IL25: variants seen among roughly 807,000 people sequenced by gnomAD.
The protein encoded by IL25 is interleukin 25.
IL25 carries 10 observed loss-of-function variants against 13.2 expected under a neutral mutation model. The ratio of observed to expected loss-of-function variants is 0.76; its 90% CI spans 0.47 to 1.29. The LOEUF (loss-of-function observed/expected upper bound fraction) is 1.29, where lower values mean the gene tolerates loss of function less well. Ranked by LOEUF, IL25 falls within the 50% of genes most tolerant of loss-of-function variation. The pLI is 0.00. For synonymous variants in IL25, 107 were observed against 92.1 expected, an observed-to-expected ratio of 1.16 and a Z score of -0.93; for missense variants, 235 against 232.4, an observed-to-expected ratio of 1.01 and a Z score of -0.07.
At chr14:23,373,463 G>A in intron 1 of IL25, 67 bp downstream of exon 2, 1 of 1,374,258 alleles carries the variant, frequency 7.3e-7, no homozygotes, top group Non-Finnish European at 1.0e-6. Flanking sequence ...TGAGGGACCA[G>A]GGCAATTCCA....
exon 2 of IL25, chr14:23,375,668 G>T: frequency 6.2e-7 from 1 of 1,614,068 alleles, no homozygotes; most frequent in Non-Finnish European, 8.5e-7. Flanking sequence ...CCTGTACCAC[G>T]CCCGTTGCCT....
At chr14:23,375,096 A>G (rs1395126644) in intron 1 of IL25, among the ~76,000 whole-genome samples, 1 of 152,146 alleles carries the variant, frequency 6.6e-6, no homozygotes, top group Non-Finnish European at 1.5e-5. Context: ...CATGGCCAAC[A>G]TCATGAAACC....
chr14:23,372,917 G>A lies in IL25; in HGVS notation c.-202G>A, dbSNP rs757942668. On this transcript the variant is annotated 5_prime_UTR_variant, in exon 1 of 2. Transcript: ENST00000329715. ...CCTGCTCCAGTCAGCCTGCTTCCACGAGGCCTGTCAGTCAGTGCCCCACTT... is the reference window on the plus strand; with the variant it reads ...CCTGCTCCAGTCAGCCTGCTTCCACAAGGCCTGTCAGTCAGTGCCCCACTT... The A allele has an allele frequency of 5.1e-6, 8 of 1,582,706 alleles. No individual in the cohort carries two copies. In the African/African-American group the frequency reaches 8.1e-5, roughly 16 times the overall value.
chr14:23,373,088 G>C (rs749325806), exon 1 of IL25: 1 of 1,613,910 alleles, frequency 6.2e-7, no homozygotes, highest in Non-Finnish European at 8.5e-7. Context: ...CAAGTGGAGT[G>C]AGAAACTGGG....
exon 1 of IL25, chr14:23,373,030 C>A: frequency 6.2e-7 from 1 of 1,613,936 alleles, no homozygotes; most frequent in Non-Finnish European, 8.5e-7. Flanking sequence ...AGCAGAGATG[C>A]TGCTGAGGGT....
intron 1 of IL25, among the ~76,000 whole-genome samples, chr14:23,374,733 T>TCTTTCTTTCTTTC (rs59079443): frequency 1.6e-3 from 126 of 76,732 alleles, no homozygotes; most frequent in African/African-American, 7.0e-3. Context: ...TTTCTTTCTT[T>TCTTTCTTTCTTTC]TTTTTTTTTT....
exon 1 of IL25, chr14:23,373,270 T>G (rs753118232): frequency 6.2e-7 from 1 of 1,614,194 alleles, no homozygotes; most frequent in Non-Finnish European, 8.5e-7. Context: ...TCTGAGGAGC[T>G]GCTGAGGTGG....
chr14:23,375,976 C>T, exon 2 of IL25: 1 of 1,476,112 alleles, frequency 6.8e-7, no homozygotes, highest in Non-Finnish European at 9.3e-7. Context: ...TGCTTGGCCC[C>T]TGTGAAGTGC....
chr14:23,373,023 A>G, exon 1 of IL25: 1 of 1,613,990 alleles, frequency 6.2e-7, no homozygotes, highest in Non-Finnish European at 8.5e-7. Context: ...GGAGAGGAGC[A>G]GAGATGCTGC....
exon 2 of IL25, chr14:23,375,820 G>C: frequency 6.2e-7 from 1 of 1,614,264 alleles, no homozygotes; most frequent in Non-Finnish European, 8.5e-7. Context: ...ACTGCCTGGA[G>C]CGCAGGCTGT....
Position 23,373,162 on chromosome 14 carries a change from G to C in IL25, c.44G>C (p.Ser15Thr), listed in dbSNP as rs756681310. Residue 15 changes from serine (S) to threonine (T), a missense_variant, in exon 1 of 2, where the codon AGC (serine) becomes ACC (threonine). By Grantham distance (58) the Ser-to-Thr change is moderately conservative (BLOSUM62 1). Coordinates refer to ENST00000329715, the Ensembl canonical transcript of IL25. Reference sequence around the variant, plus strand: ...TTAGGTGAGGACAGTTCTCTCATTAGCCTTTTCCTACAGGTGGTTGCATTC... The same window carrying C: ...TTAGGTGAGGACAGTTCTCTCATTACCCTTTTCCTACAGGTGGTTGCATTC... The C allele has an allele frequency of 1.2e-6, 2 of 1,614,104 alleles. No homozygotes were observed. The highest frequency in any genetic ancestry group is 2.7e-5 in the African/African-American group (2 of 74,936).
intron 1 of IL25, among the ~76,000 whole-genome samples, chr14:23,374,785 G>A (rs1890494676): frequency 6.7e-6 from 1 of 149,348 alleles, no homozygotes. Flanking sequence ...GTCTTCCCAT[G>A]CACTCTCAAG....
intron 1 of IL25, among the ~76,000 whole-genome samples, chr14:23,373,843 A>G (rs1018835914): frequency 2.6e-5 from 4 of 152,218 alleles, no homozygotes; most frequent in Non-Finnish European, 5.9e-5. Context: ...AGTTATAAGC[A>G]TACTAAAGGA....
chr14:23,374,747 A>G (rs1269986710), intron 1 of IL25, among the ~76,000 whole-genome samples: 1 of 146,254 alleles, frequency 6.8e-6, no homozygotes, highest in Non-Finnish European at 1.5e-5. Context: ...TTTTTTTGCC[A>G]TGAAATCCTT....
chr14:23,375,380 C>T (rs1456922292), intron 1 of IL25, among the ~76,000 whole-genome samples: 1 of 152,238 alleles, frequency 6.6e-6, no homozygotes, highest in Non-Finnish European at 1.5e-5. Context: ...CCCTCCCCTG[C>T]CTCCCTCACG....
In IL25 at chr14:23,375,180, G is replaced by A. The variant is rs550962894; in HGVS notation, c.279-445G>A. ...CAGGAGAATCGCTCGAACCCAGGAGGTAGAGGTTGCAGTTGAGCCAAGATC... is the reference window on the plus strand; with the variant it reads ...CAGGAGAATCGCTCGAACCCAGGAGATAGAGGTTGCAGTTGAGCCAAGATC... On this transcript the variant is annotated intron_variant, in intron 1 of 1. Coordinates refer to ENST00000329715, the Ensembl canonical transcript of IL25. 6.6e-5 allele frequency among the ~76,000 whole-genome samples: 10 copies of A among 152,228 alleles called. No homozygotes were observed. The East Asian group carries it at 1.9e-3, about 29-fold the overall frequency.
At chr14:23,374,471 C>T (rs1343267528) in intron 1 of IL25, among the ~76,000 whole-genome samples, 8 of 152,196 alleles carry the variant, frequency 5.3e-5, no homozygotes, top group Admixed American at 5.2e-4. Context: ...TGTCATTGTA[C>T]ATTAAAGTCT....
chr14:23,375,796 C>G, exon 2 of IL25: 1 of 1,614,252 alleles, frequency 6.2e-7, no homozygotes, highest in Non-Finnish European at 8.5e-7. Context: ...GCGAGAAGGG[C>G]ACCCACAAGG....
exon 2 of IL25, chr14:23,375,646 G>C (rs1434440185): frequency 6.2e-7 from 1 of 1,613,926 alleles, no homozygotes; most frequent in Admixed American, 1.7e-5. Flanking sequence ...ACTTGAACCG[G>C]CTCCCCCAGG....
Sources: allele counts gnomAD v4.1 joint callset (sites outside exome capture counted in the v4.1 genomes callset), GRCh38; gene constraint gnomAD v4.1.1; transcripts MANE v1.5; gene names NCBI Gene and HGNC (gene_info 2026-07-23, HGNC 2026-07-21).